Variants in BHMT2 observed in about 807,000 individuals in gnomAD.
The protein encoded by BHMT2 is betaine--homocysteine S-methyltransferase 2.
A neutral mutation model predicts 39.0 loss-of-function variants in BHMT2; 28 were observed. The observed-to-expected ratio is 0.72, with a 90% CI of 0.53 to 0.98. BHMT2 has a LOEUF of 0.98. Among genes scored for constraint, BHMT2 ranks in the 50% least tolerant of loss-of-function variants. The pLI is 0.00. For missense variants in BHMT2, 410 were observed against 455.6 expected, an observed-to-expected ratio of 0.90 and a Z score of 0.91; for synonymous variants, 145 against 160.6, an observed-to-expected ratio of 0.90 and a Z score of 0.74.
intron 1 of BHMT2, among the ~76,000 whole-genome samples, chr5:79,073,532 C>T (rs773328904): frequency 1.3e-5 from 2 of 152,120 alleles, no homozygotes; most frequent in Non-Finnish European, 1.5e-5. Context: ...TCTCAATAAA[C>T]GTCCAAAATT....
At chr5:79,078,481 C>T (rs1755720795) in intron 2 of BHMT2, among the ~76,000 whole-genome samples, 1 of 152,234 alleles carries the variant, frequency 6.6e-6, no homozygotes, top group African/African-American at 2.4e-5. Flanking sequence ...TATATTCACA[C>T]AGCGTATCAG....
Position 79,080,693 on chromosome 5 carries a change from G to A in BHMT2, c.265G>A (p.Asp89Asn), listed in dbSNP as rs952286200. The A allele has an allele frequency of 6.3e-7, 1 of 1,586,458 alleles. No individual in the cohort carries two copies. ...SEDNMESKWE[D>N]VNAAACDLAR... ...TCTTGCTCTCTAACCTCAGTGGGAA[G>A]ATGTAAATGCTGCTGCCTGTGACCT... The change falls in exon 4 of 8, where the codon GAT (aspartate) becomes AAT (asparagine). Residue 89 changes from aspartate to asparagine, a missense_variant. By Grantham distance (23) the Asp-to-Asn change is conservative. Transcript: ENST00000255192.
intron 7 of BHMT2, among the ~76,000 whole-genome samples, chr5:79,087,140 G>A (rs1426587797): frequency 6.6e-6 from 1 of 150,434 alleles, no homozygotes; most frequent in African/African-American, 2.4e-5. Context: ...GTACTCTCAT[G>A]TACTTCACCC....
rs781258660 is a variant in BHMT2 at position 79,082,905 on chromosome 5, G to C, written c.547G>C (p.Asp183His). 10 of 1,614,200 alleles carry C rather than the reference G, an allele frequency of 6.2e-6. No individual in the cohort carries two copies. Among genetic ancestry groups the C allele is most frequent in the East Asian group, 2.2e-5 (1 of 44,886 alleles). The change falls in exon 5 of 8, where the codon GAC becomes CAC. Residue 183 changes from aspartate to histidine, a missense_variant. Asp to His is a moderately conservative substitution (Grantham distance 81, BLOSUM62 -1). Transcript: ENST00000255192. Reference protein sequence around the residue: ...AVTMCIGPEGDMHDITPGECA... With the variant: ...AVTMCIGPEGHMHDITPGECA... ...TACCATGTGCATAGGCCCAGAGGGA[G>C]ACATGCATGATATAACCCCCGGAGA...
Position 79,083,344 on chromosome 5 carries a change from G to C in BHMT2, c.751G>C (p.Gly251Arg). 1 of 1,605,896 alleles carries C rather than the reference G, an allele frequency of 6.2e-7. No homozygotes were observed. Among genetic ancestry groups the C allele is most frequent in the Non-Finnish European group, 8.5e-7 (1 of 1,175,114 alleles). ...CCACGCGCCTGACTGTGGCAAAGAG[G>C]GGTTTGTGGATCTCCCAGAATATCC... is the stretch of plus-strand genomic sequence containing the variant. ...GFHAPDCGKE[G>R]FVDLPEYPFG... The change falls in exon 6 of 8, where the codon GGG becomes CGG. Residue 251 changes from glycine (G) to arginine (R), a missense_variant. Gly to Arg is a moderately radical substitution (Grantham distance 125). Coordinates refer to ENST00000255192, the MANE Select transcript of BHMT2 (RefSeq NM_017614.5).
At chr5:79,076,827 C>T (rs1755681340) in intron 1 of BHMT2, among the ~76,000 whole-genome samples, 1 of 152,204 alleles carries the variant, frequency 6.6e-6, no homozygotes, top group Non-Finnish European at 1.5e-5. Context: ...TTTTTCTCAC[C>T]TAACAAGAGG....
intron 7 of BHMT2, 94 bp from the exon 8 acceptor site, chr5:79,088,395 TGTGG>T: frequency 1.3e-4 from 91 of 698,020 alleles, no homozygotes; most frequent in Non-Finnish European, 1.8e-4. Context: ...TGTGTGTGTG[TGTGG>T]TTATATACAT....
chr5:79,084,181 C>A (rs931962970), intron 7 of BHMT2, among the ~76,000 whole-genome samples: 1 of 152,178 alleles, frequency 6.6e-6, no homozygotes, highest in African/African-American at 2.4e-5. Context: ...TATAAGGAAG[C>A]AGGCATTCCT....
chr5:79,083,477 C>G, intron 6 of BHMT2, 103 bp downstream of exon 6: 1 of 1,476,090 alleles, frequency 6.8e-7, no homozygotes, highest in South Asian at 1.4e-5. Context: ...CTGCATATGA[C>G]AAAACATTCA....
intron 1 of BHMT2, among the ~76,000 whole-genome samples, chr5:79,072,787 A>G (rs1254370551): frequency 2.0e-5 from 3 of 152,156 alleles, no homozygotes; most frequent in Admixed American, 2.0e-4. Flanking sequence ...AGGGCTGGAG[A>G]GAACTGGAGA....
At chr5:79,071,239 T>A (rs1028094512) in intron 1 of BHMT2, 1 of 152,214 alleles carries the variant, frequency 6.6e-6, no homozygotes, top group Non-Finnish European at 1.5e-5. Context: ...ATTCATTTAA[T>A]TGCCACAGAC....
intron 7 of BHMT2, 98 bp from the exon 8 acceptor site, chr5:79,088,395 T>TGTGG: frequency 2.9e-6 from 2 of 698,200 alleles, no homozygotes; most frequent in Non-Finnish European, 4.8e-6. Context: ...TGTGTGTGTG[T>TGTGG]GTGGTTATAT....
chr5:79,077,333 A>G (rs1755690215), intron 1 of BHMT2, 147 bp from the exon 2 acceptor site: 5 of 1,089,248 alleles, frequency 4.6e-6, no homozygotes, highest in African/African-American at 3.1e-5. Flanking sequence ...GGTATGCTCA[A>G]TCTTTCTGAA....
In BHMT2 at chr5:79,083,190, A is replaced by C. The variant is rs534237187; in HGVS notation, c.599-2A>C. ...AAATGTAAGTGTTATTTCTTTGCAC[A>C]GGGGCTTCCATCGTTGGCGTGAACT... On this transcript the variant is annotated splice_acceptor_variant, in intron 5 of 7. Coordinates refer to ENST00000255192, the MANE Select transcript of BHMT2 (RefSeq NM_017614.5). LOFTEE classifies it high-confidence loss of function. The C allele has an allele frequency of 5.9e-5, 95 of 1,614,016 alleles. 1 individual carries two copies. The South Asian group carries it at 1.0e-3, about 18-fold the overall frequency.
intron 5 of BHMT2, 112 bp downstream of exon 5, chr5:79,083,068 G>GT: frequency 6.4e-7 from 1 of 1,572,274 alleles, no homozygotes. Flanking sequence ...ACTCCAATCA[G>GT]TTTTCTTATC....
chr5:79,089,649 A>AAAG lies in BHMT2; in HGVS notation c.*1076_*1078dup, dbSNP rs1218703946. ...TACTTATTGTTGATTGTTTAAAAATAAAGTTTTAGAAAACCTTTTCAAAAG... is the reference window on the plus strand; with the variant it reads ...TACTTATTGTTGATTGTTTAAAAATAAAGAAGTTTTAGAAAACCTTTTCAAAAG... On this transcript the variant is annotated 3_prime_UTR_variant, in exon 8 of 8. Transcript: ENST00000255192. 1.3e-5 allele frequency among the ~76,000 whole-genome samples: 2 copies of AAAG among 152,162 alleles called. No homozygotes were observed. Among genetic ancestry groups the AAAG allele is most frequent in the Admixed American group, 6.5e-5 (1 of 15,276 alleles).
chr5:79,080,594 C>T, intron 3 of BHMT2, 93 bp from the exon 4 acceptor site: 4 of 1,171,180 alleles, frequency 3.4e-6, no homozygotes, highest in Admixed American at 2.7e-5. Flanking sequence ...GGCTTATACT[C>T]ATCTTACTTG....
chr5:79,070,717 A>G (rs1197191083), intron 1 of BHMT2, among the ~76,000 whole-genome samples: 1 of 152,246 alleles, frequency 6.6e-6, no homozygotes, highest in Admixed American at 6.5e-5. Context: ...TTCTAAATAA[A>G]TTAAGGTTCA....
intron 1 of BHMT2, among the ~76,000 whole-genome samples, chr5:79,076,721 A>C (rs1755679874): frequency 6.6e-6 from 1 of 152,176 alleles, no homozygotes; most frequent in Non-Finnish European, 1.5e-5. Context: ...AGTTGCTGGG[A>C]GTGCCAAATG....
Sources: allele counts gnomAD v4.1 joint callset (sites outside exome capture counted in the v4.1 genomes callset), GRCh38; gene constraint gnomAD v4.1.1; transcripts MANE v1.5; gene names NCBI Gene and HGNC (gene_info 2026-07-23, HGNC 2026-07-21).